GPC5: variants seen among roughly 807,000 people sequenced by gnomAD.
GPC5 encodes the protein glypican-5.
GPC5 carries 47 observed loss-of-function variants against 53.9 expected under a neutral mutation model. That is an observed-to-expected ratio of 0.87 (90% CI 0.69 to 1.11). The LOEUF is 1.11. Ranked by LOEUF, GPC5 falls within the 50% of genes most tolerant of loss-of-function variation. The pLI, the probability that GPC5 is intolerant of heterozygous loss-of-function variation, is 0.00. For synonymous variants in GPC5, 286 were observed against 263.3 expected (o/e 1.09, Z -0.84); for missense variants, 748 against 713.1 (o/e 1.05, Z -0.56).
chr13:92,712,984 C>G (rs760245220), intron 7 of GPC5, among the ~76,000 whole-genome samples: 16 of 152,008 alleles, frequency 1.1e-4, no homozygotes, highest in Admixed American at 2.0e-4. Context: ...GCCTCCAAAC[C>G]TGTGAGAATT....
chr13:92,539,109 C>T (rs546248818), intron 7 of GPC5, among the ~76,000 whole-genome samples: 224 of 146,266 alleles, frequency 1.5e-3, no homozygotes, highest in African/African-American at 4.3e-3. Flanking sequence ...ATTTATAATC[C>T]TTTGGGTATA....
At chr13:91,729,851 C>T (rs767391296) in intron 4 of GPC5, among the ~76,000 whole-genome samples, 20 of 152,082 alleles carry the variant, frequency 1.3e-4, no homozygotes, top group Non-Finnish European at 2.5e-4. Flanking sequence ...AGTTGGAAAA[C>T]AAAACAAAAC....
At position 91,576,296 on chromosome 13, in the gene GPC5, GTTTAA is replaced by G. The variant is rs534637555; in HGVS notation, c.326-116886_326-116882del. On this transcript the variant is annotated intron_variant, in intron 2 of 7. Coordinates refer to ENST00000377067, the MANE Select transcript of GPC5 (RefSeq NM_004466.6). ...AAATGATTAATACATATGTTAATTA[GTTTAA>G]TTTAGCCAATACACAATGTGTATAT... Among the ~76,000 whole-genome samples, 951 of 142,710 alleles carry G rather than the reference GTTTAA, an allele frequency of 6.7e-3. 10 individuals carry two copies. The highest frequency in any genetic ancestry group is 0.024 in the African/African-American group (916 of 37,940). The allele number at this position is 142,710 out of a possible 152,430, so 93.6% of individuals were successfully genotyped here. A position where few individuals can be genotyped will look rare whatever the true frequency, so the allele number is the denominator to read the frequency against.
intron 7 of GPC5, among the ~76,000 whole-genome samples, chr13:92,759,816 G>A (rs557286777): frequency 1.3e-5 from 2 of 152,114 alleles, no homozygotes; most frequent in African/African-American, 4.8e-5. Flanking sequence ...AAAGTTTTCA[G>A]TATCTCCTTA....
Position 91,756,324 on chromosome 13 carries a change from G to C in GPC5, c.1184G>C (p.Arg395Thr). 6.3e-7 allele frequency: 1 copy of C among 1,580,876 alleles called. No individual in the cohort carries two copies. Among genetic ancestry groups the C allele is most frequent in the Non-Finnish European group, 8.6e-7 (1 of 1,156,112 alleles). ...TTTATCAACAGCCTTCGACTGTACA[G>C]GTCATTCTATGGAGGTCTAGCTGAT... is the stretch of plus-strand genomic sequence containing the variant. Reference protein sequence around the residue: ...KEFINSLRLYRSFYGGLADQL... With the variant: ...KEFINSLRLYTSFYGGLADQL... The change falls in exon 5 of 8, where the codon AGG becomes ACG. Residue 395 changes from arginine to threonine, a missense_variant. Coordinates refer to ENST00000377067, the MANE Select transcript of GPC5 (RefSeq NM_004466.6).
chr13:91,532,831 A>T (rs930734725), intron 2 of GPC5, among the ~76,000 whole-genome samples: 5 of 152,116 alleles, frequency 3.3e-5, no homozygotes, highest in Non-Finnish European at 5.9e-5. Context: ...CCAAGATCAC[A>T]CCACTGCACT....
intron 6 of GPC5, among the ~76,000 whole-genome samples, chr13:91,978,119 G>T (rs1007392034): frequency 6.6e-6 from 1 of 152,150 alleles, no homozygotes; most frequent in African/African-American, 2.4e-5. Context: ...CCATGATCGT[G>T]CCACTGCATG....
intron 1 of GPC5, among the ~76,000 whole-genome samples, chr13:91,428,778 C>T (rs1423889519): frequency 2.0e-5 from 3 of 151,758 alleles, no homozygotes; most frequent in East Asian, 3.9e-4. Flanking sequence ...TCTAAGGGAA[C>T]ACGTGCTTAT....
intron 7 of GPC5, among the ~76,000 whole-genome samples, chr13:92,307,337 C>G (rs1777557677): frequency 6.6e-6 from 1 of 152,048 alleles, no homozygotes; most frequent in East Asian, 1.9e-4. Flanking sequence ...GTCTGTAATC[C>G]CAGCTACTCG....
chr13:92,704,295 A>G (rs554405625), intron 7 of GPC5, among the ~76,000 whole-genome samples: 1 of 152,220 alleles, frequency 6.6e-6, no homozygotes, highest in South Asian at 2.1e-4. Context: ...GGTATTATGA[A>G]GTGCTGCTTA....
intron 5 of GPC5, among the ~76,000 whole-genome samples, chr13:91,807,743 G>A (rs2038244817): frequency 6.6e-6 from 1 of 152,098 alleles, no homozygotes; most frequent in Admixed American, 6.6e-5. Context: ...AAATAGACAT[G>A]GGTGTAAATG....
chr13:91,439,616 G>A (rs1436688821), intron 1 of GPC5, among the ~76,000 whole-genome samples: 1 of 151,940 alleles, frequency 6.6e-6, no homozygotes, highest in East Asian at 1.9e-4. Flanking sequence ...CAAACCTGAT[G>A]CTTGTGTATT....
At chr13:92,271,253 G>A (rs1341753509) in intron 7 of GPC5, among the ~76,000 whole-genome samples, 1 of 152,178 alleles carries the variant, frequency 6.6e-6, no homozygotes, top group Non-Finnish European at 1.5e-5. Context: ...TTTTTGGGGA[G>A]ACATGGAACA....
At chr13:92,536,419 G>A (rs564904492) in intron 7 of GPC5, among the ~76,000 whole-genome samples, 4 of 152,190 alleles carry the variant, frequency 2.6e-5, no homozygotes, top group South Asian at 4.1e-4. Context: ...AATTAAATTA[G>A]CATACTTTTT....
intron 6 of GPC5, among the ~76,000 whole-genome samples, chr13:92,046,735 A>G (rs1458065475): frequency 1.3e-5 from 2 of 152,186 alleles, no homozygotes. Context: ...TTGTAAATAA[A>G]CCATAGAGTT....
chr13:91,623,750 A>G (rs1319225405), intron 2 of GPC5, among the ~76,000 whole-genome samples: 1 of 152,136 alleles, frequency 6.6e-6, no homozygotes, highest in Non-Finnish European at 1.5e-5. Flanking sequence ...GGACCAATAT[A>G]GAGGGACCTT....
At chr13:92,559,330 A>ATGTGTG (rs5805755) in intron 7 of GPC5, among the ~76,000 whole-genome samples, 126 of 143,120 alleles carry the variant, frequency 8.8e-4, no homozygotes, top group Middle Eastern at 3.5e-3. Flanking sequence ...TAGTGTGTAT[A>ATGTGTG]TGTGTGTGTG....
intron 6 of GPC5, among the ~76,000 whole-genome samples, chr13:91,969,787 A>C (rs9523460): frequency 0.41 from 62,634 of 152,024 alleles, 14,780 homozygotes; most frequent in East Asian, 0.75. Context: ...TAATCATCAG[A>C]AAAATTCAGA....
At chr13:92,282,825 C>T (rs1179283263) in intron 7 of GPC5, among the ~76,000 whole-genome samples, 1 of 152,314 alleles carries the variant, frequency 6.6e-6, no homozygotes, top group East Asian at 1.9e-4. Context: ...TAGGAAAAAA[C>T]TACATCAACT....
Sources: gnomAD v4.1 joint callset for allele counts (sites outside exome capture counted in the v4.1 genomes callset) on GRCh38, gnomAD v4.1.1 for gene constraint, MANE v1.5 for transcripts, NCBI Gene and HGNC (gene_info 2026-07-23, HGNC 2026-07-21) for gene names.